The following ANKFY1 variants were observed in gnomAD, a reference collection of about 807,000 sequenced individuals.
ANKFY1 encodes ankyrin repeat and FYVE domain containing 1.
In ANKFY1, 47 loss-of-function variants were observed where a neutral mutation model predicts 128.3. The observed-to-expected ratio is 0.37, with a 90% CI of 0.29 to 0.47. The LOEUF (loss-of-function observed/expected upper bound fraction) is 0.47, where lower values mean the gene tolerates loss of function less well. ANKFY1 is among the 20% of genes least tolerant of loss of function. The pLI is 1.00. For synonymous variants in ANKFY1, 553 were observed against 601.6 expected (o/e 0.92, Z 1.18); for missense variants, 1,222 against 1,510.6 (o/e 0.81, Z 3.17).
At chr17:4,202,696 C>CAAAAAAAAAA (rs60561665) in intron 7 of ANKFY1, among the ~76,000 whole-genome samples, 3 of 74,698 alleles carry the variant, frequency 4.0e-5, no homozygotes, top group African/African-American at 6.5e-5. Context: ...AACTCCGTCT[C>CAAAAAAAAAA]AAAAAAAAAA....
At chr17:4,233,849 A>G (rs1311783797) in intron 3 of ANKFY1, among the ~76,000 whole-genome samples, 4 of 152,342 alleles carry the variant, frequency 2.6e-5, no homozygotes, top group East Asian at 1.9e-4. Flanking sequence ...GGCACTGCGC[A>G]TGGAAAACAG....
At chr17:4,176,242 A>G (rs1260254348) in intron 19 of ANKFY1, among the ~76,000 whole-genome samples, 1 of 152,180 alleles carries the variant, frequency 6.6e-6, no homozygotes, top group Non-Finnish European at 1.5e-5. Context: ...ATCAGGTCAC[A>G]AGGCTTTTCT....
chr17:4,179,273 AGCACAAACATGTGTTTCACATCT>A, intron 17 of ANKFY1: 1 of 600,724 alleles, frequency 1.7e-6, no homozygotes, highest in Non-Finnish European at 2.9e-6. Flanking sequence ...CCGTAGGACC[AGCACAAACATGTGTTTCACATCT>A]GCAGTGAGTC....
intron 7 of ANKFY1, among the ~76,000 whole-genome samples, chr17:4,199,546 T>C (rs983581117): frequency 6.6e-6 from 1 of 152,204 alleles, no homozygotes; most frequent in Non-Finnish European, 1.5e-5. Flanking sequence ...TTATGCTCTG[T>C]AGGAGTGAAA....
At chr17:4,213,929 T>A (rs2060179263) in intron 4 of ANKFY1, among the ~76,000 whole-genome samples, 1 of 152,202 alleles carries the variant, frequency 6.6e-6, no homozygotes. Flanking sequence ...TCCAAACCTG[T>A]AGCACACCAC....
rs1475943829 is a variant in ANKFY1, at chr17:4,165,073, T to C, written c.*2706A>G. 2.0e-5 allele frequency: 3 copies of C among 152,304 alleles called. No individual in the cohort carries two copies. Among genetic ancestry groups the C allele is most frequent in the African/African-American group, 7.2e-5 (3 of 41,446 alleles). The allele number at this position is 152,304 out of a possible 1,614,324, so 9.4% of individuals were successfully genotyped here. Reference sequence around the variant, plus strand: ...TGACTGAAAGTTCAAAAGTCCTAAGTGTAGGCACTTAAGTTTATGGGAAAT... The same window carrying C: ...TGACTGAAAGTTCAAAAGTCCTAAGCGTAGGCACTTAAGTTTATGGGAAAT... On this transcript the variant is annotated 3_prime_UTR_variant, in exon 25 of 25. Coordinates refer to ENST00000341657, the MANE Select transcript of ANKFY1 (RefSeq NM_001330063.2).
At chr17:4,260,345 G>A (rs1020338012) in intron 1 of ANKFY1, among the ~76,000 whole-genome samples, 4 of 152,044 alleles carry the variant, frequency 2.6e-5, no homozygotes, top group Admixed American at 6.6e-5. Context: ...GGCTGGGAGC[G>A]GTGGCTCACA....
At chr17:4,221,590 G>C (rs1475987679) in intron 3 of ANKFY1, among the ~76,000 whole-genome samples, 1 of 152,020 alleles carries the variant, frequency 6.6e-6, no homozygotes, top group Non-Finnish European at 1.5e-5. Flanking sequence ...TATGACTCTG[G>C]TTTAATTAAA....
chr17:4,175,717 G>A (rs1446949588), intron 19 of ANKFY1, among the ~76,000 whole-genome samples: 1 of 152,126 alleles, frequency 6.6e-6, no homozygotes, highest in Non-Finnish European at 1.5e-5. Context: ...CTCTCCATAC[G>A]GGACGTCTCA....
chr17:4,232,815 A>C (rs1485165731), intron 3 of ANKFY1, among the ~76,000 whole-genome samples: 5 of 152,220 alleles, frequency 3.3e-5, no homozygotes, highest in African/African-American at 1.2e-4. Flanking sequence ...TTCAATGTTA[A>C]AATTGGCTTT....
At chr17:4,189,152 G>A (rs536451184) in intron 11 of ANKFY1, among the ~76,000 whole-genome samples, 1 of 152,276 alleles carries the variant, frequency 6.6e-6, no homozygotes, top group East Asian at 1.9e-4. Flanking sequence ...ACCTGAACAA[G>A]CACTGTTTCC....
Position 4,169,356 on chromosome 17 carries a change from A to T in ANKFY1, c.3287-68T>A. On this transcript the variant is annotated intron_variant, in intron 23 of 24. Coordinates refer to ENST00000341657, the MANE Select transcript of ANKFY1 (RefSeq NM_001330063.2). This position sits in a 1 kb window ranked among gnomAD's most constrained non-coding sequence, Gnocchi z 5.0. ...GCGCCACGCAAGCCCCAGGGCTTGG[A>T]GGCAGCAGGAACACAGACCCGTAAG... 4 of 1,229,614 alleles carry T rather than the reference A, an allele frequency of 3.3e-6. No homozygotes were observed. Among genetic ancestry groups the T allele is most frequent in the Non-Finnish European group, 2.3e-6 (2 of 860,858 alleles). The allele number at this position is 1,229,614 out of a possible 1,614,324, so 76.2% of individuals were successfully genotyped here. A position where few individuals can be genotyped will look rare whatever the true frequency, so the allele number is the denominator to read the frequency against.
rs752305515 is a variant in ANKFY1 at position 4,167,671 on chromosome 17, C to T, written c.*108G>A. ...GTCCTTAATCGTTCCAGTCTATTGC[C>T]GCAGGAAGACACCCGCCAGCTCCTG... is the stretch of plus-strand genomic sequence containing the variant. On this transcript the variant is annotated 3_prime_UTR_variant, in exon 25 of 25. Coordinates refer to ENST00000341657, the MANE Select transcript of ANKFY1 (RefSeq NM_001330063.2). This position sits in a 1 kb window ranked among gnomAD's most constrained non-coding sequence, Gnocchi z 4.1. 179 of 1,140,578 alleles carry T rather than the reference C, an allele frequency of 1.6e-4. No individual in the cohort carries two copies. The highest frequency in any genetic ancestry group is 1.9e-4 in the Non-Finnish European group (158 of 832,708). 70.7% of individuals were successfully genotyped at this position (1,140,578 alleles called of 1,614,324 possible). A position where few individuals can be genotyped will look rare whatever the true frequency, so the allele number is the denominator to read the frequency against.
intron 7 of ANKFY1, among the ~76,000 whole-genome samples, chr17:4,203,764 G>C (rs898009807): frequency 9.0e-5 from 13 of 144,060 alleles, no homozygotes; most frequent in Admixed American, 3.0e-4. Flanking sequence ...GCAGTGAGCC[G>C]AGACCGAGCC....
At chr17:4,172,226 A>G (rs1051268743) in intron 22 of ANKFY1, among the ~76,000 whole-genome samples, 8 of 152,068 alleles carry the variant, frequency 5.3e-5, no homozygotes, top group African/African-American at 1.7e-4. Context: ...AGATGCTTCT[A>G]TTTTCTTCCT....
chr17:4,190,275 T>TA (rs1272096802), intron 10 of ANKFY1, among the ~76,000 whole-genome samples: 1 of 152,106 alleles, frequency 6.6e-6, no homozygotes, highest in Non-Finnish European at 1.5e-5. Context: ...AACCTGTCTC[T>TA]ACTAAAAATA....
intron 7 of ANKFY1, among the ~76,000 whole-genome samples, chr17:4,203,205 G>C (rs2059964456): frequency 6.6e-6 from 1 of 152,090 alleles, no homozygotes; most frequent in Non-Finnish European, 1.5e-5. Context: ...ATTTTAGAAA[G>C]ATTTCAAATC....
intron 1 of ANKFY1, among the ~76,000 whole-genome samples, chr17:4,248,165 T>C (rs1417228145): frequency 6.6e-6 from 1 of 152,162 alleles, no homozygotes; most frequent in Non-Finnish European, 1.5e-5. Flanking sequence ...GTCCCCGACC[T>C]CCAGGCCGTG....
intron 7 of ANKFY1, among the ~76,000 whole-genome samples, chr17:4,197,903 G>A (rs8066446): frequency 0.24 from 36,775 of 152,044 alleles, 4,942 homozygotes; most frequent in Non-Finnish European, 0.3. Context: ...GCCGAGGTGG[G>A]CGGATCACCT....
Sources: allele counts gnomAD v4.1 joint callset (sites outside exome capture counted in the v4.1 genomes callset), GRCh38; gene constraint gnomAD v4.1.1; non-coding constraint Gnocchi (gnomAD v3.1); transcripts MANE v1.5; gene names NCBI Gene and HGNC (gene_info 2026-07-23, HGNC 2026-07-21).